STK40: variants seen among roughly 807,000 people sequenced by gnomAD.
STK40 encodes the protein serine/threonine kinase 40, also known as serine/threonine-protein kinase 40.
In STK40, 13 loss-of-function variants were observed where a neutral mutation model predicts 47.9. The observed-to-expected ratio is 0.27, with a 90% CI of 0.18 to 0.43. The LOEUF (loss-of-function observed/expected upper bound fraction) is 0.43. Among genes scored for constraint, STK40 ranks in the 20% least tolerant of loss-of-function variants. The pLI is 1.00. For synonymous variants in STK40, 225 were observed against 243.2 expected, an observed-to-expected ratio of 0.93 and a Z score of 0.69; for missense variants, 460 against 595.1, an observed-to-expected ratio of 0.77 and a Z score of 2.36.
In STK40 at chr1:36,348,917, C is replaced by G. The variant is rs889552661; in HGVS notation, c.624-102G>C. 4.9e-5 allele frequency: 48 copies of G among 975,922 alleles called. No individual in the cohort carries two copies. In the East Asian group the frequency reaches 5.3e-4, roughly 11 times the overall value. 60.5% of individuals were successfully genotyped at this position (975,922 alleles called of 1,614,324 possible). Reference sequence around the variant, plus strand: ...CACTGGGCCAACACCCAATCCTGAACAGTAGGAGGTAGGCTTCTCGTCAGA... The same window carrying G: ...CACTGGGCCAACACCCAATCCTGAAGAGTAGGAGGTAGGCTTCTCGTCAGA... On this transcript the variant is annotated intron_variant, in intron 6 of 10. Transcript: ENST00000373132.
chr1:36,350,213 G>A (rs112178712), intron 6 of STK40, among the ~76,000 whole-genome samples: 1 of 152,232 alleles, frequency 6.6e-6, no homozygotes, highest in Admixed American at 6.5e-5. Context: ...GAGCCTGATC[G>A]CACAGGTGAA....
intron 6 of STK40, among the ~76,000 whole-genome samples, chr1:36,350,927 G>C (rs188188788): frequency 5.3e-5 from 8 of 152,278 alleles, no homozygotes; most frequent in African/African-American, 1.7e-4. Flanking sequence ...CTGAGGTTTG[G>C]CAACACTCCC....
At chr1:36,358,602 A>T (rs749192372) in intron 3 of STK40, 135 bp downstream of exon 3, 41 of 1,140,890 alleles carry the variant, frequency 3.6e-5, no homozygotes, top group Non-Finnish European at 2.5e-6. Flanking sequence ...GGAGACTGTG[A>T]ACTTGATTGC....
intron 10 of STK40, chr1:36,343,137 T>G (rs999461219): frequency 2.1e-5 from 14 of 671,660 alleles, no homozygotes; most frequent in Middle Eastern, 2.8e-4. Flanking sequence ...CTCGGCTGTC[T>G]CACAGGTCTC....
In STK40 at chr1:36,378,786, G is replaced by GT. The variant is rs1276842284; in HGVS notation, c.-9+6936dup. ...TCCTTTTTTTGCTGGTTTCCTTCCT[G>GT]TTTTTTCAGAAGGGACCACTCCAGG... is the stretch of plus-strand genomic sequence containing the variant. On this transcript the variant is annotated intron_variant, in intron 1 of 10. Coordinates refer to ENST00000373132, the MANE Select transcript of STK40 (RefSeq NM_001282547.2). 4.6e-5 allele frequency among the ~76,000 whole-genome samples: 7 copies of GT among 152,086 alleles called. No individual in the cohort carries two copies. The East Asian group carries it at 1.2e-3, about 25-fold the overall frequency.
Position 36,358,801 on chromosome 1 carries a change from G to A in STK40, c.134C>T (p.Pro45Leu). ...CAAACACTGCACTATGCTTGGCACC[G>A]GTGAGTTGCCCAGACGGGGACCTAC... ...FILGPRLGNS[P>L]VPSIVQCLAR... The change falls in exon 3 of 11, where the codon CCG becomes CTG. Residue 45 changes from proline to leucine, a missense_variant. Physicochemically the swap from Pro to Leu is moderately conservative, Grantham distance 98. Transcript: ENST00000373132. 4 of 1,614,112 alleles carry A rather than the reference G, an allele frequency of 2.5e-6. No homozygotes were observed. Among genetic ancestry groups the A allele is most frequent in the Non-Finnish European group, 3.4e-6 (4 of 1,180,018 alleles).
chr1:36,366,483 C>G (rs1646903005), intron 1 of STK40, among the ~76,000 whole-genome samples: 2 of 152,180 alleles, frequency 1.3e-5, no homozygotes, highest in African/African-American at 4.8e-5. Context: ...CCGGAAGCTG[C>G]TGCAGGCTTA....
In STK40 at chr1:36,343,222, C is replaced by G. The variant is rs1238403378; in HGVS notation, c.1089+142G>C. 3.1e-6 allele frequency: 3 copies of G among 965,566 alleles called. No individual in the cohort carries two copies. In the Admixed American group the frequency reaches 6.0e-5, roughly 19 times the overall value. The allele number at this position is 965,566 out of a possible 1,614,324, so 59.8% of individuals were successfully genotyped here. On this transcript the variant is annotated intron_variant, in intron 10 of 10. Coordinates refer to ENST00000373132, the MANE Select transcript of STK40 (RefSeq NM_001282547.2). ...GCTCAGGCTGAGGACTGAAGTCTCC[C>G]TTTCCCACCCCAAGGCTGGGGAAGA... is the stretch of plus-strand genomic sequence containing the variant.
intron 10 of STK40, 74 bp from the exon 11 acceptor site, chr1:36,342,047 G>T: frequency 7.2e-7 from 1 of 1,398,350 alleles, no homozygotes; most frequent in South Asian, 1.3e-5. Flanking sequence ...AGGAGGGCAG[G>T]CAAGAGTGCT....
At chr1:36,345,989 A>ATTTTTTTT (rs1330462605) in intron 7 of STK40, among the ~76,000 whole-genome samples, 64 of 19,582 alleles carry the variant, frequency 3.3e-3, no homozygotes, top group Admixed American at 6.1e-3. Context: ...ATATATATAT[A>ATTTTTTTT]TATTTTTTTT....
At position 36,369,595 on chromosome 1, in the gene STK40, C is replaced by T. The variant is rs542705678; in HGVS notation, c.-8-8255G>A. On this transcript the variant is annotated intron_variant, in intron 1 of 10. Transcript: ENST00000373132. The stretch of plus-strand genomic sequence containing the variant: ...TGGCACATCCTTCTCCCTTGGTCCT[C>T]ACTGAAATGTCACCTGCTGCAGAAA... 1.5e-3 allele frequency among the ~76,000 whole-genome samples: 225 copies of T among 152,328 alleles called. 8 individuals carry two copies. In the South Asian group the frequency reaches 0.046, roughly 31 times the overall value.
chr1:36,381,077 C>A (rs1432893709), intron 1 of STK40, among the ~76,000 whole-genome samples: 3 of 152,150 alleles, frequency 2.0e-5, no homozygotes, highest in Admixed American at 6.5e-5. Flanking sequence ...GATTTCCCCC[C>A]AAACAGCTCA....
chr1:36,355,199 G>T lies in STK40; in HGVS notation c.570+7C>A. On this transcript the variant is annotated splice_region_variant and intron_variant, in intron 5 of 10. Transcript: ENST00000373132. ...CCAGAAGGCGCAGCAGCAGGGTGTG[G>T]CCTCACCTGGTGCAGGGCCTCCACC... 6.2e-7 allele frequency: 1 copy of T among 1,612,816 alleles called. No homozygotes were observed.
At chr1:36,347,186 G>C (rs1166378045) in intron 7 of STK40, among the ~76,000 whole-genome samples, 2 of 152,214 alleles carry the variant, frequency 1.3e-5, no homozygotes, top group Non-Finnish European at 2.9e-5. Flanking sequence ...CTGCTCACCA[G>C]GATGTGTGTG....
intron 1 of STK40, among the ~76,000 whole-genome samples, chr1:36,375,914 A>G (rs572290487): frequency 1.3e-5 from 2 of 151,448 alleles, no homozygotes; most frequent in East Asian, 3.9e-4. Context: ...CCCAGTGACT[A>G]GGGAGGCTGA....
At chr1:36,349,322 A>C (rs1646730839) in intron 6 of STK40, among the ~76,000 whole-genome samples, 1 of 152,184 alleles carries the variant, frequency 6.6e-6, no homozygotes, top group African/African-American at 2.4e-5. Context: ...GTCAGTTCTC[A>C]CTTGGCCCCA....
intron 1 of STK40, among the ~76,000 whole-genome samples, chr1:36,371,830 T>C (rs1646950856): frequency 6.6e-6 from 1 of 150,568 alleles, no homozygotes; most frequent in South Asian, 2.1e-4. Context: ...ACCCCATCTC[T>C]ACCAAAAATA....
At position 36,350,286 on chromosome 1, in the gene STK40, T is replaced by A. The variant is rs150563523; in HGVS notation, c.624-1471A>T. On this transcript the variant is annotated intron_variant, in intron 6 of 10. Transcript: ENST00000373132. ...GGCTGCTCTAGCTCTGAAGCTCCAG[T>A]GCCGCTGCCCTGAATATGGGGCTGC... Among the ~76,000 whole-genome samples, 22 of 152,298 alleles carry A rather than the reference T, an allele frequency of 1.4e-4. 1 individual carries two copies. In the East Asian group the frequency reaches 4.3e-3, roughly 29 times the overall value.
chr1:36,358,817 G>A lies in STK40; in HGVS notation c.118C>T (p.Arg40Cys), dbSNP rs767722663. 16 of 1,614,096 alleles carry A rather than the reference G, an allele frequency of 9.9e-6. No individual in the cohort carries two copies. The highest frequency in any genetic ancestry group is 4.4e-5 in the South Asian group (4 of 91,076). ...CTTGGCACCGGTGAGTTGCCCAGAC[G>A]GGGACCTACGGCACAGAGAGCTGCT... ...KRAGPFILGP[R>C]LGNSPVPSIV... The change falls in exon 3 of 11, where the codon CGT becomes TGT. Residue 40 changes from arginine to cysteine, a missense_variant. Around this residue, in one of 3 missense-constraint regions of STK40, gnomAD observed 277 missense variants for 358.7 expected, o/e 0.77. Transcript: ENST00000373132.
Sources: allele counts gnomAD v4.1 joint callset (sites outside exome capture counted in the v4.1 genomes callset), GRCh38; gene constraint gnomAD v4.1.1; regional missense constraint gnomAD v4.1.1; transcripts MANE v1.5; gene names NCBI Gene and HGNC (gene_info 2026-07-23, HGNC 2026-07-21).